PRKCE: variants seen among roughly 807,000 people sequenced by gnomAD.
The protein encoded by PRKCE is protein kinase C epsilon, also known as protein kinase C epsilon type.
PRKCE carries 16 observed loss-of-function variants against 85.4 expected under a neutral mutation model. That is an observed-to-expected ratio of 0.19 (90% CI 0.13 to 0.28). The LOEUF (loss-of-function observed/expected upper bound fraction) is 0.28, where lower values mean the gene tolerates loss of function less well. Among genes scored for constraint, PRKCE ranks in the 10% least tolerant of loss-of-function variants. PRKCE has a pLI of 1.00. For missense variants in PRKCE, 573 were observed against 975.2 expected (o/e 0.59, Z 5.49); for synonymous variants, 388 against 371.5 (o/e 1.04, Z -0.51).
rs988549191 is a variant in PRKCE, at chr2:46,019,997, G to A, written c.1437+9480G>A. The stretch of plus-strand genomic sequence containing the variant: ...CCCAAATAGCTGGGATTACAGGCAC[G>A]CACCACCAGGCCCAGCTAATTTTTG... On this transcript the variant is annotated intron_variant, in intron 10 of 14. Coordinates refer to ENST00000306156, the MANE Select transcript of PRKCE (RefSeq NM_005400.3). Among the ~76,000 whole-genome samples, 7 of 151,770 alleles carry A rather than the reference G, an allele frequency of 4.6e-5. No homozygotes were observed. The South Asian group carries it at 1.2e-3, about 27-fold the overall frequency.
chr2:45,946,951 A>G (rs1342720084), intron 2 of PRKCE, among the ~76,000 whole-genome samples: 1 of 152,244 alleles, frequency 6.6e-6, no homozygotes, highest in African/African-American at 2.4e-5. Flanking sequence ...CAGCAAACCC[A>G]GTAGACCTAG....
intron 2 of PRKCE, among the ~76,000 whole-genome samples, chr2:45,927,335 C>T (rs992331519): frequency 1.3e-5 from 2 of 152,142 alleles, no homozygotes; most frequent in African/African-American, 4.8e-5. Flanking sequence ...ATTGACATGC[C>T]TCAATGTGCC....
At chr2:45,978,623 T>C in intron 3 of PRKCE, 1 of 215,896 alleles carries the variant, frequency 4.6e-6, no homozygotes, top group Non-Finnish European at 9.2e-6. Flanking sequence ...GGAATGTCCA[T>C]TCTATCCACA....
chr2:46,122,477 C>T (rs1673407948), intron 11 of PRKCE, among the ~76,000 whole-genome samples: 1 of 152,074 alleles, frequency 6.6e-6, no homozygotes, highest in Non-Finnish European at 1.5e-5. Flanking sequence ...ATCCATCCAC[C>T]TTGGCCTCCC....
chr2:45,929,371 A>C (rs1260984973), intron 2 of PRKCE, among the ~76,000 whole-genome samples: 1 of 152,244 alleles, frequency 6.6e-6, no homozygotes, highest in East Asian at 1.9e-4. Flanking sequence ...CCATATATAA[A>C]TAATTTTACT....
chr2:45,761,317 A>C (rs1684474820), intron 1 of PRKCE, among the ~76,000 whole-genome samples: 1 of 93,972 alleles, frequency 1.1e-5, no homozygotes, highest in Non-Finnish European at 2.0e-5. Flanking sequence ...ACAGAGCGAG[A>C]CTCCATCTCA....
intron 2 of PRKCE, among the ~76,000 whole-genome samples, chr2:45,880,748 G>T (rs1004105398): frequency 8.5e-5 from 13 of 152,162 alleles, no homozygotes; most frequent in Non-Finnish European, 1.8e-4. Flanking sequence ...AGATACCAAA[G>T]ACTACTGTGG....
chr2:45,806,829 G>A (rs1218083196), intron 1 of PRKCE, among the ~76,000 whole-genome samples: 2 of 152,188 alleles, frequency 1.3e-5, no homozygotes, highest in Non-Finnish European at 2.9e-5. Flanking sequence ...AGGGACTAAG[G>A]AGGGGAAGGC....
chr2:46,101,884 C>T (rs1282884790), intron 11 of PRKCE, among the ~76,000 whole-genome samples: 1 of 121,482 alleles, frequency 8.2e-6, no homozygotes, highest in African/African-American at 2.9e-5. Flanking sequence ...AAAAAAAAAA[C>T]CCAAAACCCT....
At chr2:45,990,688 T>G (rs949817398) in intron 6 of PRKCE, among the ~76,000 whole-genome samples, 6 of 151,514 alleles carry the variant, frequency 4.0e-5, no homozygotes, top group African/African-American at 1.5e-4. Context: ...GGAGTCTCGC[T>G]CTGTTGCCCA....
chr2:45,905,125 A>C lies in PRKCE; in HGVS notation c.412+62062A>C, dbSNP rs1280469477. Among the ~76,000 whole-genome samples the C allele has an allele frequency of 6.6e-6, 1 of 152,198 alleles. No individual in the cohort carries two copies. Among genetic ancestry groups the C allele is most frequent in the Non-Finnish European group, 1.5e-5 (1 of 68,034 alleles). On this transcript the variant is annotated intron_variant, in intron 2 of 14. Coordinates refer to ENST00000306156, the MANE Select transcript of PRKCE (RefSeq NM_005400.3). This position sits in a 1 kb window ranked among gnomAD's most constrained non-coding sequence, Gnocchi z 4.4. ...GGCAACAGCAGCTCCTTGTTAATTC[A>C]GAGTAATGCTGGGGCAGGCCGTAGT...
intron 10 of PRKCE, among the ~76,000 whole-genome samples, chr2:46,024,612 G>T (rs564369337): frequency 5.9e-5 from 9 of 152,096 alleles, no homozygotes; most frequent in Non-Finnish European, 1.2e-4. Flanking sequence ...TGAGCCTGCT[G>T]GTGCTAACAG....
chr2:46,072,484 T>C (rs1247942095), intron 10 of PRKCE, among the ~76,000 whole-genome samples: 1 of 152,234 alleles, frequency 6.6e-6, no homozygotes, highest in Non-Finnish European at 1.5e-5. Context: ...ACAACATGTC[T>C]ATAAGACTAA....
intron 11 of PRKCE, among the ~76,000 whole-genome samples, chr2:46,104,439 T>A (rs1671529650): frequency 6.6e-6 from 1 of 152,108 alleles, no homozygotes; most frequent in African/African-American, 2.4e-5. Context: ...ATGGCTTTCA[T>A]GGCTTTTTCT....
intron 1 of PRKCE, among the ~76,000 whole-genome samples, chr2:45,742,329 G>C (rs993282285): frequency 6.6e-6 from 1 of 152,066 alleles, no homozygotes; most frequent in African/African-American, 2.4e-5. Context: ...CAGCTACTTG[G>C]GAGGCTGAGG....
At chr2:46,130,935 C>G (rs1454812564) in intron 11 of PRKCE, among the ~76,000 whole-genome samples, 1 of 152,214 alleles carries the variant, frequency 6.6e-6, no homozygotes, top group Non-Finnish European at 1.5e-5. Context: ...AATTGAGAGA[C>G]TTTTGCTTAA....
chr2:45,991,144 T>C (rs981198917), intron 6 of PRKCE, among the ~76,000 whole-genome samples: 3 of 151,800 alleles, frequency 2.0e-5, no homozygotes, highest in African/African-American at 7.3e-5. Flanking sequence ...GTAGCTGGGA[T>C]TACAGGCACC....
chr2:46,015,225 GT>G lies in PRKCE; in HGVS notation c.1437+4718del, dbSNP rs373569966. ...AGGAGAACCACTGAGAGGTAGTTTT[GT>G]TTTTTTTTTCTGGAAGTTACAGGAA... On this transcript the variant is annotated intron_variant, in intron 10 of 14. Coordinates refer to ENST00000306156, the MANE Select transcript of PRKCE (RefSeq NM_005400.3). Among the ~76,000 whole-genome samples, 266 of 147,536 alleles carry G rather than the reference GT, an allele frequency of 1.8e-3. 1 individual carries two copies. The highest frequency in any genetic ancestry group is 2.8e-3 in the African/African-American group (114 of 40,316).
At chr2:46,182,258 T>A (rs1486896181) in intron 14 of PRKCE, among the ~76,000 whole-genome samples, 2 of 152,030 alleles carry the variant, frequency 1.3e-5, no homozygotes, top group Non-Finnish European at 2.9e-5. Flanking sequence ...AGTCAGTGAA[T>A]CCCTCCCCCT....
Sources: allele counts gnomAD v4.1 joint callset (sites outside exome capture counted in the v4.1 genomes callset), GRCh38; gene constraint gnomAD v4.1.1; non-coding constraint Gnocchi (gnomAD v3.1); transcripts MANE v1.5; gene names NCBI Gene and HGNC (gene_info 2026-07-23, HGNC 2026-07-21).